COL6A6: variants seen among roughly 807,000 people sequenced by gnomAD.
COL6A6 encodes the protein collagen type VI alpha 6 chain.
A neutral mutation model predicts 208.6 loss-of-function variants in COL6A6; 183 were observed. The ratio of observed to expected loss-of-function variants is 0.88; its 90% CI spans 0.78 to 0.99. COL6A6 has a LOEUF of 0.99. COL6A6 is among the 50% of genes least tolerant of loss of function. The pLI, the probability that COL6A6 is intolerant of heterozygous loss-of-function variation, is 0.00. For synonymous variants in COL6A6, 973 were observed against 1,011.8 expected, an observed-to-expected ratio of 0.96 and a Z score of 0.73; for missense variants, 2,816 against 2,815.2, an observed-to-expected ratio of 1.00 and a Z score of -0.01.
At chr3:130,661,563 T>G in intron 34 of COL6A6, 74 bp from the exon 35 acceptor site, 2 of 1,232,378 alleles carry the variant, frequency 1.6e-6, no homozygotes, top group Non-Finnish European at 2.3e-6. Flanking sequence ...AGTTTCCAAA[T>G]GTCAAAATAT....
At chr3:130,650,332 A>G (rs973448625) in intron 33 of COL6A6, among the ~76,000 whole-genome samples, 6 of 152,188 alleles carry the variant, frequency 3.9e-5, no homozygotes, top group African/African-American at 1.4e-4. Context: ...ATTTAAATTA[A>G]AAGTCCAGGG....
At chr3:130,666,730 C>T (rs906453685) in intron 36 of COL6A6, among the ~76,000 whole-genome samples, 1 of 151,986 alleles carries the variant, frequency 6.6e-6, no homozygotes, top group African/African-American at 2.4e-5. Context: ...GAAGATCTAA[C>T]CTATATCTAA....
In COL6A6 at chr3:130,565,055, T is replaced by G. The variant is rs1474730519; in HGVS notation, c.723T>G (p.Ser241Arg). 6.2e-7 allele frequency: 1 copy of G among 1,614,006 alleles called. No homozygotes were observed. The highest frequency in any genetic ancestry group is 1.3e-5 in the African/African-American group (1 of 75,050). Residue 241 changes from serine (S) to arginine (R), a missense_variant, in exon 4 of 37, where the codon AGT becomes AGG. Transcript: ENST00000358511. The part of the protein sequence containing the change: ...VFLLDMSING[S>R]EENFDYLKGF... ...TATTGGATATGTCAATCAATGGAAG[T>G]GAGGAGAACTTTGACTATCTTAAAG...
intron 20 of COL6A6, among the ~76,000 whole-genome samples, chr3:130,605,456 A>G (rs2064154221): frequency 6.6e-6 from 1 of 151,896 alleles, no homozygotes; most frequent in Non-Finnish European, 1.5e-5. Flanking sequence ...TCAAATGAAA[A>G]TATCTATTGC....
At chr3:130,593,647 C>T (rs1249729731) in intron 17 of COL6A6, among the ~76,000 whole-genome samples, 1 of 152,142 alleles carries the variant, frequency 6.6e-6, no homozygotes, top group Non-Finnish European at 1.5e-5. Context: ...TTCTGTTGGC[C>T]AAATCAATGC....
chr3:130,609,468 T>C (rs1363155480), intron 22 of COL6A6, among the ~76,000 whole-genome samples: 6 of 152,168 alleles, frequency 3.9e-5, no homozygotes, highest in Non-Finnish European at 8.8e-5. Flanking sequence ...CGGCACTTTT[T>C]CCTTTGCAAG....
intron 34 of COL6A6, 121 bp downstream of exon 34, chr3:130,658,893 G>C (rs937977962): frequency 2.3e-5 from 15 of 665,834 alleles, no homozygotes; most frequent in Non-Finnish European, 3.7e-5. Flanking sequence ...ACCTCTCTGG[G>C]GTTCTGGGCC....
chr3:130,539,732 ATGCTCTTC>A (rs1409625822), intron 1 of COL6A6, among the ~76,000 whole-genome samples: 1 of 152,200 alleles, frequency 6.6e-6, no homozygotes, highest in African/African-American at 2.4e-5. Context: ...TGATCAAAAT[ATGCTCTTC>A]ACTTCCTTGT....
intron 36 of COL6A6, among the ~76,000 whole-genome samples, chr3:130,673,627 A>T (rs1299505200): frequency 6.6e-6 from 1 of 152,006 alleles, no homozygotes; most frequent in Non-Finnish European, 1.5e-5. Flanking sequence ...CACTTTGGGG[A>T]ATTTGAGTTT....
chr3:130,517,784 A>G (rs958132619), intron 1 of COL6A6, among the ~76,000 whole-genome samples: 1 of 152,370 alleles, frequency 6.6e-6, no homozygotes, highest in South Asian at 2.1e-4. Context: ...CCACTCTCGG[A>G]AACAAATGAA....
intron 29 of COL6A6, among the ~76,000 whole-genome samples, chr3:130,642,189 A>G (rs1193906672): frequency 1.3e-5 from 2 of 152,068 alleles, no homozygotes; most frequent in Non-Finnish European, 2.9e-5. Context: ...GATTGAACAC[A>G]TAAGATTAAA....
chr3:130,653,684 C>T (rs923927499), intron 33 of COL6A6, among the ~76,000 whole-genome samples: 3 of 152,128 alleles, frequency 2.0e-5, no homozygotes, highest in Non-Finnish European at 4.4e-5. Flanking sequence ...ATCTTTAGCC[C>T]ACATTCAGTT....
Position 130,565,405 on chromosome 3 carries a change from A to T in COL6A6, c.1073A>T (p.Glu358Val). Reference sequence around the variant, plus strand: ...AAAGCAGCTGTTAACCTCCGACGGGAGGGTGTGACCATCTTCACCCTGGGC... The same window carrying T: ...AAAGCAGCTGTTAACCTCCGACGGGTGGGTGTGACCATCTTCACCCTGGGC... ...VTKAAVNLRR[E>V]GVTIFTLGIE... Residue 358 changes from glutamate (E) to valine (V), a missense_variant, in exon 4 of 37, where the codon GAG becomes GTG. Physicochemically the swap from Glu to Val is moderately radical, Grantham distance 121. Coordinates refer to ENST00000358511, the MANE Select transcript of COL6A6 (RefSeq NM_001102608.3). 6.2e-7 allele frequency: 1 copy of T among 1,613,880 alleles called. No individual in the cohort carries two copies. Among genetic ancestry groups the T allele is most frequent in the African/African-American group, 1.3e-5 (1 of 74,992 alleles).
At chr3:130,601,468 T>G (rs765268151) in intron 20 of COL6A6, among the ~76,000 whole-genome samples, 86 of 152,338 alleles carry the variant, frequency 5.6e-4, no homozygotes, top group Non-Finnish European at 7.3e-4. Context: ...AGAAATGCAT[T>G]TGCTATTCAT....
chr3:130,598,172 C>A (rs964504630), intron 18 of COL6A6, among the ~76,000 whole-genome samples, 193 bp from the exon 19 acceptor site: 3 of 152,152 alleles, frequency 2.0e-5, no homozygotes, highest in Admixed American at 2.0e-4. Flanking sequence ...GGTCTCCGTT[C>A]TCTCTCTGAT....
chr3:130,547,981 T>C (rs4256098), intron 1 of COL6A6, among the ~76,000 whole-genome samples: 117,462 of 152,056 alleles, frequency 0.77, 46,539 homozygotes, highest in Non-Finnish European at 0.86. Flanking sequence ...TATTTTGAGA[T>C]GGGGTTTCAC....
intron 28 of COL6A6, among the ~76,000 whole-genome samples, chr3:130,638,807 A>G (rs952547981): frequency 3.3e-5 from 5 of 152,208 alleles, no homozygotes; most frequent in Non-Finnish European, 7.3e-5. Flanking sequence ...GCCCAAAGCC[A>G]TTCTGATTCC....
intron 36 of COL6A6, among the ~76,000 whole-genome samples, chr3:130,669,246 T>C (rs941919915): frequency 1.3e-5 from 2 of 151,888 alleles, no homozygotes; most frequent in Non-Finnish European, 2.9e-5. Context: ...AATACAAAAA[T>C]TAGCCAGGCG....
chr3:130,619,218 G>A (rs558829257), intron 23 of COL6A6, among the ~76,000 whole-genome samples: 9 of 152,220 alleles, frequency 5.9e-5, no homozygotes, highest in Admixed American at 1.3e-4. Context: ...TACTTACAGC[G>A]TAGAGGAATC....
Sources: allele counts gnomAD v4.1 joint callset (sites outside exome capture counted in the v4.1 genomes callset), GRCh38; gene constraint gnomAD v4.1.1; transcripts MANE v1.5; gene names NCBI Gene and HGNC (gene_info 2026-07-23, HGNC 2026-07-21).